Variants in CDH4 observed in about 807,000 individuals in gnomAD.
The protein encoded by CDH4 is cadherin-4.
A neutral mutation model predicts 86.0 loss-of-function variants in CDH4; 33 were observed. The ratio of observed to expected loss-of-function variants is 0.38; its 90% CI spans 0.29 to 0.51. The LOEUF is 0.51. Among genes scored for constraint, CDH4 ranks in the 20% least tolerant of loss-of-function variants. CDH4 has a pLI of 0.86. For missense variants in CDH4, 1,114 were observed against 1,307.4 expected (o/e 0.85, Z 2.28); for synonymous variants, 555 against 549.4 (o/e 1.01, Z -0.14).
chr20:61,693,293 T>C (rs1018350436), intron 2 of CDH4, among the ~76,000 whole-genome samples: 46 of 152,306 alleles, frequency 3.0e-4, no homozygotes, highest in African/African-American at 9.6e-4. Context: ...TGCCTCCTGG[T>C]CTCCTTTCAC....
At chr20:61,423,648 C>T (rs1226146615) in intron 2 of CDH4, among the ~76,000 whole-genome samples, 1 of 151,952 alleles carries the variant, frequency 6.6e-6, no homozygotes, top group Admixed American at 6.6e-5. Flanking sequence ...TGTATTGCGT[C>T]CCTTCTTTTA....
At chr20:61,733,572 C>T (rs2088222219) in intron 2 of CDH4, among the ~76,000 whole-genome samples, 1 of 152,066 alleles carries the variant, frequency 6.6e-6, no homozygotes, top group Admixed American at 6.5e-5. Flanking sequence ...CACCACACTA[C>T]ATGCCATGTG....
intron 4 of CDH4, among the ~76,000 whole-genome samples, chr20:61,816,632 C>G (rs1337214715): frequency 6.6e-6 from 1 of 151,828 alleles, no homozygotes; most frequent in Non-Finnish European, 1.5e-5. Context: ...AGAAGCCACC[C>G]TAAGGCAGGC....
chr20:61,632,215 A>G (rs967100988), intron 2 of CDH4, among the ~76,000 whole-genome samples: 1 of 152,238 alleles, frequency 6.6e-6, no homozygotes, highest in Non-Finnish European at 1.5e-5. Flanking sequence ...GGGCACATGC[A>G]TTCAGTGCAG....
intron 14 of CDH4, among the ~76,000 whole-genome samples, chr20:61,933,398 AG>A (rs1337554591): frequency 2.0e-5 from 3 of 152,048 alleles, no homozygotes; most frequent in Non-Finnish European, 2.9e-5. Flanking sequence ...CCTGGAGGGG[AG>A]GGGGCTCCGG....
At chr20:61,661,155 C>T (rs1435175838) in intron 2 of CDH4, among the ~76,000 whole-genome samples, 1 of 146,866 alleles carries the variant, frequency 6.8e-6, no homozygotes, top group Non-Finnish European at 1.5e-5. Flanking sequence ...GCATGTTGCA[C>T]CTGCTCCCCA....
In CDH4 at chr20:61,397,200, G is replaced by A. The variant is rs185934792; in HGVS notation, c.169+142263G>A. Among the ~76,000 whole-genome samples, 34 of 152,212 alleles carry A rather than the reference G, an allele frequency of 2.2e-4. 1 individual carries two copies. Among genetic ancestry groups the A allele is most frequent in the African/African-American group, 3.9e-4 (16 of 41,534 alleles). On this transcript the variant is annotated intron_variant, in intron 2 of 15. Coordinates refer to ENST00000614565, the MANE Select transcript of CDH4 (RefSeq NM_001794.5). ...GCTGGGATTACAGGTGTGCACCACC[G>A]CAACTGGCCTTCATAAAAATATTTA...
chr20:61,298,622 A>G (rs1342128199), intron 2 of CDH4, among the ~76,000 whole-genome samples: 1 of 143,492 alleles, frequency 7.0e-6, no homozygotes, highest in Non-Finnish European at 1.5e-5. Flanking sequence ...GAACAATAAC[A>G]TTTTTTTTCT....
At chr20:61,307,151 G>C (rs1191327682) in intron 2 of CDH4, among the ~76,000 whole-genome samples, 1 of 152,192 alleles carries the variant, frequency 6.6e-6, no homozygotes, top group South Asian at 2.1e-4. Flanking sequence ...GGAGCTGTAT[G>C]TGAATATTCA....
At chr20:61,761,175 A>T (rs2088628256) in intron 3 of CDH4, among the ~76,000 whole-genome samples, 1 of 152,172 alleles carries the variant, frequency 6.6e-6, no homozygotes, top group African/African-American at 2.4e-5. Flanking sequence ...TTTTAAAAGA[A>T]ATCTAATCAT....
At chr20:61,294,018 C>T (rs1439880497) in intron 2 of CDH4, among the ~76,000 whole-genome samples, 3 of 152,028 alleles carry the variant, frequency 2.0e-5, no homozygotes, top group Non-Finnish European at 4.4e-5. Context: ...GTGGAGACCC[C>T]GGGACAGGTG....
chr20:61,263,761 T>C (rs931983904), intron 2 of CDH4, among the ~76,000 whole-genome samples: 1 of 152,166 alleles, frequency 6.6e-6, no homozygotes, highest in African/African-American at 2.4e-5. Context: ...AATCAAGGTG[T>C]CTGCAGGGTG....
chr20:61,548,345 G>A (rs558702948), intron 2 of CDH4, among the ~76,000 whole-genome samples: 2 of 152,200 alleles, frequency 1.3e-5, no homozygotes, highest in African/African-American at 2.4e-5. Context: ...AGGGAAAAGG[G>A]CCCAACTTGT....
intron 2 of CDH4, among the ~76,000 whole-genome samples, chr20:61,293,182 A>G (rs1034231500): frequency 1.3e-5 from 2 of 152,198 alleles, no homozygotes; most frequent in African/African-American, 2.4e-5. Context: ...CTGTCCCCAC[A>G]TGAACGTAGT....
At chr20:61,748,912 T>G (rs1452700446) in intron 3 of CDH4, among the ~76,000 whole-genome samples, 12 of 71,490 alleles carry the variant, frequency 1.7e-4, no homozygotes. Flanking sequence ...ACAGAATAGA[T>G]GGGCTACACA....
intron 10 of CDH4, 71 bp downstream of exon 10, chr20:61,923,775 C>CT (rs2055012807): frequency 7.0e-7 from 1 of 1,427,568 alleles, no homozygotes; most frequent in African/African-American, 2.1e-5. Context: ...TCCAGAAATA[C>CT]CCCATGAAAC....
intron 2 of CDH4, among the ~76,000 whole-genome samples, chr20:61,335,408 G>A (rs562491263): frequency 2.4e-4 from 37 of 152,352 alleles, no homozygotes; most frequent in African/African-American, 7.7e-4. Flanking sequence ...ATGCACAGAT[G>A]TGATTATTGG....
chr20:61,333,264 TACAC>T (rs11467480), intron 2 of CDH4, among the ~76,000 whole-genome samples: 79,762 of 150,906 alleles, frequency 0.53, 21,036 homozygotes, highest in East Asian at 0.67. Flanking sequence ...CACACACATG[TACAC>T]ACACACACAC....
At chr20:61,653,727 C>T (rs1364452739) in intron 2 of CDH4, among the ~76,000 whole-genome samples, 5 of 110,818 alleles carry the variant, frequency 4.5e-5, no homozygotes, top group African/African-American at 1.5e-4. Context: ...CGGGCAGAGG[C>T]GCTCCTCACA....
Sources: gnomAD v4.1 joint callset for allele counts (sites outside exome capture counted in the v4.1 genomes callset) on GRCh38, gnomAD v4.1.1 for gene constraint, MANE v1.5 for transcripts, NCBI Gene and HGNC (gene_info 2026-07-23, HGNC 2026-07-21) for gene names.